Variants in ZNF804B observed in about 807,000 individuals in gnomAD.
ZNF804B encodes the protein zinc finger protein 804B.
In ZNF804B, 80 loss-of-function variants were observed where a neutral mutation model predicts 101.4. The observed-to-expected ratio is 0.79, with a 90% CI of 0.66 to 0.95. ZNF804B has a LOEUF of 0.95. ZNF804B is among the 40% of genes least tolerant of loss of function. ZNF804B has a pLI of 0.00. For synonymous variants in ZNF804B, 622 were observed against 558.8 expected, an observed-to-expected ratio of 1.11 and a Z score of -1.59; for missense variants, 1,673 against 1,561.9, an observed-to-expected ratio of 1.07 and a Z score of -1.20.
chr7:89,250,314 C>A (rs1360623972), intron 2 of ZNF804B, among the ~76,000 whole-genome samples: 1 of 152,016 alleles, frequency 6.6e-6, no homozygotes, highest in Non-Finnish European at 1.5e-5. Flanking sequence ...CACTCCCATA[C>A]ACACAAATTA....
intron 1 of ZNF804B, among the ~76,000 whole-genome samples, chr7:88,981,107 T>C (rs1169969864): frequency 6.6e-6 from 1 of 152,060 alleles, no homozygotes; most frequent in Non-Finnish European, 1.5e-5. Flanking sequence ...GAATGTGCTG[T>C]GTCACACCTG....
intron 1 of ZNF804B, among the ~76,000 whole-genome samples, chr7:88,911,528 AC>A (rs1792550673): frequency 6.7e-6 from 1 of 150,214 alleles, no homozygotes; most frequent in Non-Finnish European, 1.5e-5. Flanking sequence ...TATTTCTTAA[AC>A]TTCTTTTCAC....
chr7:88,833,807 G>A (rs1433241844), intron 1 of ZNF804B, among the ~76,000 whole-genome samples: 4 of 151,742 alleles, frequency 2.6e-5, no homozygotes, highest in Non-Finnish European at 5.9e-5. Context: ...TTTTCTTAAG[G>A]CTTTAGTGAC....
intron 1 of ZNF804B, among the ~76,000 whole-genome samples, chr7:89,101,139 A>C (rs1790049242): frequency 6.6e-6 from 1 of 152,196 alleles, no homozygotes; most frequent in East Asian, 1.9e-4. Flanking sequence ...GTTTTAGTGC[A>C]CACAGTCTGA....
At chr7:88,949,874 G>T (rs988127873) in intron 1 of ZNF804B, among the ~76,000 whole-genome samples, 2 of 151,884 alleles carry the variant, frequency 1.3e-5, no homozygotes, top group Non-Finnish European at 2.9e-5. Context: ...TAGCCTAGGA[G>T]CGGTAGGCTA....
At chr7:88,956,241 T>C (rs949094583) in intron 1 of ZNF804B, among the ~76,000 whole-genome samples, 3 of 151,512 alleles carry the variant, frequency 2.0e-5, no homozygotes, top group African/African-American at 7.3e-5. Flanking sequence ...TAGGTATTTA[T>C]CCAAAGGAAA....
intron 2 of ZNF804B, among the ~76,000 whole-genome samples, chr7:89,319,014 G>A (rs1199742578): frequency 6.6e-6 from 1 of 152,160 alleles, no homozygotes; most frequent in Non-Finnish European, 1.5e-5. Flanking sequence ...ATTGAAGCAG[G>A]AACACGCCCT....
At chr7:89,261,887 G>T (rs957983206) in intron 2 of ZNF804B, among the ~76,000 whole-genome samples, 6 of 152,246 alleles carry the variant, frequency 3.9e-5, no homozygotes, top group African/African-American at 1.2e-4. Flanking sequence ...TATTTTCCAT[G>T]AGGTGTGTTA....
chr7:89,332,602 A>G (rs1791003785), intron 3 of ZNF804B, among the ~76,000 whole-genome samples: 1 of 151,876 alleles, frequency 6.6e-6, no homozygotes, highest in African/African-American at 2.4e-5. Flanking sequence ...TTTATCTCTT[A>G]TATATGTTGA....
At chr7:88,764,787 T>A (rs1166858524) in intron 1 of ZNF804B, among the ~76,000 whole-genome samples, 3 of 152,170 alleles carry the variant, frequency 2.0e-5, no homozygotes, top group Admixed American at 1.3e-4. Flanking sequence ...ACTTTTCAAG[T>A]GCAAAATATA....
intron 1 of ZNF804B, among the ~76,000 whole-genome samples, chr7:88,777,973 T>C (rs3898579): frequency 0.052 from 7,915 of 152,170 alleles, 405 homozygotes; most frequent in East Asian, 0.28. Context: ...GTACAAATAT[T>C]TATATTCAAC....
chr7:88,821,052 T>C (rs1002353139), intron 1 of ZNF804B, among the ~76,000 whole-genome samples: 3 of 152,150 alleles, frequency 2.0e-5, no homozygotes, highest in African/African-American at 4.8e-5. Flanking sequence ...CTCTAAATCA[T>C]TGTCAGTCAA....
intron 2 of ZNF804B, among the ~76,000 whole-genome samples, chr7:89,268,070 C>A (rs1394581000): frequency 2.0e-5 from 3 of 152,214 alleles, no homozygotes; most frequent in East Asian, 3.9e-4. Flanking sequence ...CTGTGATGAA[C>A]CTTTTGGACC....
intron 1 of ZNF804B, among the ~76,000 whole-genome samples, chr7:89,129,228 T>G (rs965441915): frequency 6.6e-6 from 1 of 152,048 alleles, no homozygotes; most frequent in African/African-American, 2.4e-5. Flanking sequence ...TGGAAAGAGA[T>G]CCACCTTATA....
chr7:89,163,926 C>T (rs966246046), intron 1 of ZNF804B, among the ~76,000 whole-genome samples: 2 of 151,782 alleles, frequency 1.3e-5, no homozygotes, highest in African/African-American at 4.8e-5. Context: ...CTCCTCCCTC[C>T]ATTCCTTCCC....
At chr7:88,854,471 CTT>C (rs1791512377) in intron 1 of ZNF804B, among the ~76,000 whole-genome samples, 1 of 111,956 alleles carries the variant, frequency 8.9e-6, no homozygotes, top group Admixed American at 9.8e-5. Context: ...TTCTTTCTTT[CTT>C]TCTCTTTCCT....
chr7:89,284,922 G>T (rs974359561), intron 2 of ZNF804B, among the ~76,000 whole-genome samples: 1 of 152,048 alleles, frequency 6.6e-6, no homozygotes, highest in African/African-American at 2.4e-5. Flanking sequence ...TTGGAGGCAG[G>T]GCATGGCAGC....
intron 1 of ZNF804B, among the ~76,000 whole-genome samples, chr7:89,089,417 A>G (rs1366794758): frequency 1.3e-5 from 2 of 152,010 alleles, no homozygotes; most frequent in Admixed American, 6.6e-5. Flanking sequence ...GTAAGTATAT[A>G]ATGTTTATAT....
intron 1 of ZNF804B, among the ~76,000 whole-genome samples, chr7:88,882,552 A>G (rs1047345198): frequency 2.0e-5 from 3 of 152,158 alleles, no homozygotes; most frequent in African/African-American, 7.2e-5. Flanking sequence ...AAATTGTTCT[A>G]CGAAGAAACA....
Sources: allele counts gnomAD v4.1 joint callset (sites outside exome capture counted in the v4.1 genomes callset), GRCh38; gene constraint gnomAD v4.1.1; transcripts MANE v1.5; gene names NCBI Gene and HGNC (gene_info 2026-07-23, HGNC 2026-07-21).